The following ASIC2 variants were observed in gnomAD, a reference collection of about 807,000 sequenced individuals.
ASIC2 encodes acid sensing ion channel subunit 2, also known as acid-sensing ion channel 2.
Under a neutral mutation model 57.3 loss-of-function variants are expected in ASIC2, and 25 were observed. The observed-to-expected ratio is 0.44, with a 90% confidence interval of 0.32 to 0.61. The LOEUF is 0.61. ASIC2 is among the 20% of genes least tolerant of loss of function. The pLI, the probability that ASIC2 is intolerant of heterozygous loss-of-function variation, is 0.06. For synonymous variants in ASIC2, 319 were observed against 307.5 expected, an observed-to-expected ratio of 1.04 and a Z score of -0.39; for missense variants, 641 against 738.1, an observed-to-expected ratio of 0.87 and a Z score of 1.52.
intron 1 of ASIC2, among the ~76,000 whole-genome samples, chr17:33,597,126 T>A (rs149104383): frequency 0.012 from 1,780 of 152,326 alleles, 37 homozygotes; most frequent in African/African-American, 0.037. Flanking sequence ...TCTTCCGTTG[T>A]CTCAGAGCTT....
chr17:33,683,165 T>C (rs1316421886), intron 1 of ASIC2, among the ~76,000 whole-genome samples: 1 of 152,164 alleles, frequency 6.6e-6, no homozygotes, highest in Non-Finnish European at 1.5e-5. Flanking sequence ...CCTCCCGGGT[T>C]CATGCCATTC....
chr17:33,151,153 C>T (rs575799290), intron 1 of ASIC2, among the ~76,000 whole-genome samples: 1 of 150,914 alleles, frequency 6.6e-6, no homozygotes, highest in East Asian at 2.0e-4. Flanking sequence ...TGGTGAAACC[C>T]CATCTCTACT....
At chr17:33,563,336 T>C (rs1045526818) in intron 1 of ASIC2, among the ~76,000 whole-genome samples, 1 of 152,194 alleles carries the variant, frequency 6.6e-6, no homozygotes, top group African/African-American at 2.4e-5. Context: ...TCCTGTGTTA[T>C]GGTGGATGAA....
chr17:33,530,486 C>G (rs1023118044), intron 1 of ASIC2, among the ~76,000 whole-genome samples: 3 of 152,234 alleles, frequency 2.0e-5, no homozygotes, highest in African/African-American at 7.2e-5. Context: ...ATGGGTCACC[C>G]TGGAGCTGCC....
At chr17:33,926,374 A>G (rs1263186400) in intron 1 of ASIC2, among the ~76,000 whole-genome samples, 1 of 152,216 alleles carries the variant, frequency 6.6e-6, no homozygotes, top group African/African-American at 2.4e-5. Flanking sequence ...TTTTGAATAC[A>G]TATTTGCATA....
At chr17:33,881,448 G>C (rs973707304) in intron 1 of ASIC2, among the ~76,000 whole-genome samples, 12 of 152,138 alleles carry the variant, frequency 7.9e-5, no homozygotes, top group Non-Finnish European at 1.8e-4. Context: ...AAAATCACAA[G>C]CATTCTTATA....
In ASIC2 at chr17:33,130,195, T is replaced by TC. The variant is rs2092340135; in HGVS notation, c.709-18129_709-18128insG. Among the ~76,000 whole-genome samples, 6 of 152,070 alleles carry TC rather than the reference T, an allele frequency of 3.9e-5. No homozygotes were observed. The South Asian group carries it at 1.0e-3, about 26-fold the overall frequency. ...CAAAAATTTCCCAAAACAATACAGGTAAGGTTTGTGCAGGTCAATGTACAT... is the reference window on the plus strand; with the variant it reads ...CAAAAATTTCCCAAAACAATACAGGTCAAGGTTTGTGCAGGTCAATGTACAT... On this transcript the variant is annotated intron_variant, in intron 1 of 9. Transcript: ENST00000225823.
At chr17:34,128,889 C>A (rs1911869561) in intron 1 of ASIC2, among the ~76,000 whole-genome samples, 1 of 152,132 alleles carries the variant, frequency 6.6e-6, no homozygotes, top group Admixed American at 6.5e-5. Flanking sequence ...CCCAGCGCCA[C>A]CATCAGAAAT....
At chr17:33,234,418 G>C (rs1330262901) in intron 1 of ASIC2, among the ~76,000 whole-genome samples, 1 of 152,180 alleles carries the variant, frequency 6.6e-6, no homozygotes, top group African/African-American at 2.4e-5. Flanking sequence ...TGGGTGATGT[G>C]TGGAAGTGCA....
At chr17:33,450,466 G>A (rs1385807533) in intron 1 of ASIC2, among the ~76,000 whole-genome samples, 3 of 152,138 alleles carry the variant, frequency 2.0e-5, no homozygotes, top group East Asian at 1.9e-4. Flanking sequence ...AGTGGTGGCC[G>A]ATGGCTAACT....
At chr17:33,424,733 CA>C (rs1305690162) in intron 1 of ASIC2, among the ~76,000 whole-genome samples, 2 of 152,106 alleles carry the variant, frequency 1.3e-5, no homozygotes, top group Non-Finnish European at 2.9e-5. Context: ...TTTCAACAAA[CA>C]CACTTGAATC....
intron 1 of ASIC2, among the ~76,000 whole-genome samples, chr17:33,439,861 A>T (rs1239494494): frequency 1.3e-5 from 2 of 152,242 alleles, no homozygotes; most frequent in Non-Finnish European, 2.9e-5. Flanking sequence ...CCAGTCTGCC[A>T]GGCAAGGACA....
chr17:34,132,476 G>T (rs1262499025), intron 1 of ASIC2, among the ~76,000 whole-genome samples: 1 of 150,078 alleles, frequency 6.7e-6, no homozygotes, highest in Non-Finnish European at 1.5e-5. Flanking sequence ...TGTCCTATCA[G>T]CGTGTCTTCA....
chr17:33,816,274 G>A (rs1304219199), intron 1 of ASIC2, among the ~76,000 whole-genome samples: 2 of 152,100 alleles, frequency 1.3e-5, no homozygotes, highest in African/African-American at 4.8e-5. Context: ...CATTCTTAAT[G>A]TTCCAAAATG....
At chr17:33,058,487 A>AAAAC (rs1555566371) in intron 3 of ASIC2, among the ~76,000 whole-genome samples, 1 of 151,482 alleles carries the variant, frequency 6.6e-6, no homozygotes, top group Non-Finnish European at 1.5e-5. Flanking sequence ...AAAAAAAAAA[A>AAAAC]AAAACAAAAC....
intron 1 of ASIC2, among the ~76,000 whole-genome samples, chr17:33,934,597 C>A (rs895000213): frequency 6.6e-6 from 1 of 152,166 alleles, no homozygotes; most frequent in Non-Finnish European, 1.5e-5. Flanking sequence ...AAGGAGGACA[C>A]CCTGGAGGAG....
chr17:33,853,189 G>C (rs1321659742), intron 1 of ASIC2, among the ~76,000 whole-genome samples: 1 of 152,200 alleles, frequency 6.6e-6, no homozygotes. Context: ...GCAGTACTAG[G>C]ACTTTGTTAG....
intron 1 of ASIC2, among the ~76,000 whole-genome samples, chr17:33,232,834 C>T (rs1908159625): frequency 6.6e-6 from 1 of 152,154 alleles, no homozygotes; most frequent in South Asian, 2.1e-4. Context: ...ATGCAGAGTC[C>T]TTGGCACCTG....
chr17:34,089,473 T>C (rs1387665647), intron 1 of ASIC2, among the ~76,000 whole-genome samples: 3 of 152,174 alleles, frequency 2.0e-5, no homozygotes, highest in East Asian at 3.9e-4. Context: ...CTGGTTCTCA[T>C]ATACTGCCTG....
Sources: allele counts gnomAD v4.1 joint callset (sites outside exome capture counted in the v4.1 genomes callset), GRCh38; gene constraint gnomAD v4.1.1; transcripts MANE v1.5; gene names NCBI Gene and HGNC (gene_info 2026-07-23, HGNC 2026-07-21).